ANKRD44: variants seen among roughly 807,000 people sequenced by gnomAD.
ANKRD44 encodes the protein serine/threonine-protein phosphatase 6 regulatory ankyrin repeat subunit B.
A neutral mutation model predicts 116.0 loss-of-function variants in ANKRD44; 35 were observed. That is an observed-to-expected ratio of 0.30 (90% confidence interval 0.23 to 0.40). ANKRD44 has a LOEUF of 0.40. Ranked by LOEUF, ANKRD44 falls within the 10% of genes least tolerant of loss-of-function variation. The probability of loss-of-function intolerance (pLI) is 1.00; values close to 1 mark genes in which losing one functional copy is unlikely to be tolerated. For missense variants in ANKRD44, 1,014 were observed against 1,242.6 expected (o/e 0.82, Z 2.77); for synonymous variants, 435 against 461.8 (o/e 0.94, Z 0.74).
chr2:197,129,422 A>G (rs1341694739), intron 4 of ANKRD44, among the ~76,000 whole-genome samples: 1 of 152,172 alleles, frequency 6.6e-6, no homozygotes, highest in African/African-American at 2.4e-5. Flanking sequence ...GGCATGAGCC[A>G]CCGCGCCTGG....
At chr2:197,081,835 A>G (rs1280803212) in intron 14 of ANKRD44, 110 bp from the exon 15 acceptor site, 1 of 816,064 alleles carries the variant, frequency 1.2e-6, no homozygotes, top group Non-Finnish European at 2.0e-6. Context: ...CCCAACCCAA[A>G]AGAAGTAAGC....
chr2:197,236,285 C>T (rs1348753488), intron 1 of ANKRD44, among the ~76,000 whole-genome samples: 5 of 152,108 alleles, frequency 3.3e-5, no homozygotes, highest in Non-Finnish European at 5.9e-5. Context: ...TATGCCCTAG[C>T]TTCTAGTTAG....
intron 9 of ANKRD44, among the ~76,000 whole-genome samples, chr2:197,102,588 T>C (rs993048465): frequency 6.6e-6 from 1 of 152,214 alleles, no homozygotes; most frequent in Non-Finnish European, 1.5e-5. Flanking sequence ...AGAAGGACCA[T>C]TTGTTTATCT....
intron 1 of ANKRD44, among the ~76,000 whole-genome samples, chr2:197,267,143 C>A (rs1559201543): frequency 6.6e-6 from 1 of 152,198 alleles, no homozygotes; most frequent in Non-Finnish European, 1.5e-5. Context: ...AGGTAGACAT[C>A]TTAAAATGTA....
intron 16 of ANKRD44, among the ~76,000 whole-genome samples, chr2:197,064,143 T>C (rs2077380624): frequency 6.6e-6 from 1 of 152,220 alleles, no homozygotes; most frequent in South Asian, 2.1e-4. Flanking sequence ...TGGGGACCAA[T>C]ATTCAACATT....
intron 1 of ANKRD44, among the ~76,000 whole-genome samples, chr2:197,293,743 G>T (rs1367788713): frequency 6.6e-6 from 1 of 152,178 alleles, no homozygotes; most frequent in African/African-American, 2.4e-5. Context: ...GGGGAACGAT[G>T]AGGCAATATC....
chr2:196,994,608 A>C lies in ANKRD44; in HGVS notation c.2831+771T>G, dbSNP rs190376103. 3.4e-3 allele frequency: 515 copies of C among 151,638 alleles called. 1 individual carries two copies. The highest frequency in any genetic ancestry group is 5.4e-3 in the Non-Finnish European group (369 of 68,090). The allele number at this position is 151,638 out of a possible 1,614,324, so 9.4% of individuals were successfully genotyped here. A position where few individuals can be genotyped will look rare whatever the true frequency, so the allele number is the denominator to read the frequency against. ...CAGCTCACAGCAACCTCCACCTCCC[A>C]GGTTCAAGTGATTCTCCTGCCTCAG... On this transcript the variant is annotated intron_variant, in intron 26 of 27. Coordinates refer to ENST00000282272, the MANE Select transcript of ANKRD44 (RefSeq NM_001195144.2).
In ANKRD44 at chr2:197,078,733, G is replaced by A. The variant is rs375883650; in HGVS notation, c.1620C>T (p.Ala540=). 48 of 1,612,016 alleles carry A rather than the reference G, an allele frequency of 3.0e-5. No individual in the cohort carries two copies. In the African/African-American group the frequency reaches 3.5e-4, roughly 12 times the overall value. ...CCAGACACTGCCTGTGCCCATAGGCGGCAGCATAATGTATGCTATTGTAAC... is the reference window on the plus strand; with the variant it reads ...CCAGACACTGCCTGTGCCCATAGGCAGCAGCATAATGTATGCTATTGTAAC... ...KEGYNSIHYA[A]AYGHRQCLEL... is the part of the protein sequence containing the mutation. The change falls in exon 16 of 28, where the codon GCC becomes GCT. Residue 540 remains alanine, a synonymous_variant. Coordinates refer to ENST00000282272, the MANE Select transcript of ANKRD44 (RefSeq NM_001195144.2).
intron 1 of ANKRD44, among the ~76,000 whole-genome samples, chr2:197,257,831 C>T (rs578153952): frequency 8.9e-4 from 136 of 152,284 alleles, no homozygotes; most frequent in Middle Eastern, 3.4e-3. Context: ...CATCATTCAT[C>T]TCCAGAAATT....
intron 16 of ANKRD44, among the ~76,000 whole-genome samples, chr2:197,052,809 C>T (rs2077133737): frequency 6.6e-6 from 1 of 152,082 alleles, no homozygotes; most frequent in African/African-American, 2.4e-5. Context: ...CCTGACTGCC[C>T]CACTCCTAAT....
chr2:197,074,492 G>A (rs2077624158), intron 16 of ANKRD44, among the ~76,000 whole-genome samples: 1 of 152,086 alleles, frequency 6.6e-6, no homozygotes, highest in Admixed American at 6.6e-5. Flanking sequence ...TTTTCTAAGA[G>A]ATGGGGTCTT....
At chr2:197,017,376 C>T (rs1192373521) in intron 17 of ANKRD44, among the ~76,000 whole-genome samples, 1 of 152,010 alleles carries the variant, frequency 6.6e-6, no homozygotes, top group Non-Finnish European at 1.5e-5. Context: ...CTTATTTTAC[C>T]TTATCTTTTA....
Position 197,227,099 on chromosome 2 carries a change from T to C in ANKRD44, c.28-39993A>G, listed in dbSNP as rs1489963526. ...CAGAAAACAGCATCTTAATTCTCAA[T>C]CTATATTAATGGTTTTCTTTATTGC... On this transcript the variant is annotated intron_variant, in intron 1 of 27. Coordinates refer to ENST00000282272, the MANE Select transcript of ANKRD44 (RefSeq NM_001195144.2). Among the ~76,000 whole-genome samples the C allele has an allele frequency of 2.6e-5, 4 of 152,274 alleles. No homozygotes were observed. The East Asian group carries it at 7.7e-4, about 29-fold the overall frequency.
intron 1 of ANKRD44, among the ~76,000 whole-genome samples, chr2:197,188,555 C>T (rs1265257815): frequency 1.3e-5 from 2 of 152,178 alleles, no homozygotes; most frequent in Non-Finnish European, 2.9e-5. Flanking sequence ...CTACATGCAA[C>T]TTGGGGGTGA....
rs1475314618 is a variant in ANKRD44 at position 197,068,280 on chromosome 2, G to T, written c.1650+10423C>A. 5.8e-5 allele frequency among the ~76,000 whole-genome samples: 8 copies of T among 137,838 alleles called. No homozygotes were observed. The Admixed American group carries it at 5.9e-4, about 10-fold the overall frequency. The allele number at this position is 137,838 out of a possible 152,430, so 90.4% of individuals were successfully genotyped here. On this transcript the variant is annotated intron_variant, in intron 16 of 27. Coordinates refer to ENST00000282272, the MANE Select transcript of ANKRD44 (RefSeq NM_001195144.2). Reference sequence around the variant, plus strand: ...AATGCTAGATGACACATTAGTGGGTGCAGCGCACCAGCATGGCACATGTAT... The same window carrying T: ...AATGCTAGATGACACATTAGTGGGTTCAGCGCACCAGCATGGCACATGTAT...
intron 1 of ANKRD44, among the ~76,000 whole-genome samples, chr2:197,251,206 G>C (rs950067721): frequency 6.6e-5 from 10 of 151,726 alleles, no homozygotes; most frequent in African/African-American, 2.4e-4. Context: ...CCTTTTTATT[G>C]GTTTACACTG....
At position 197,013,601 on chromosome 2, in the gene ANKRD44, G is replaced by A; in HGVS notation, c.1834C>T (p.His612Tyr). Reference protein sequence around the residue: ...TALDLAAFKGHTECVEALINQ... With the variant: ...TALDLAAFKGYTECVEALINQ... ...ATAAGCGCTTCCACACATTCTGTGT[G>A]TCCTTTAAAGGCAGCCAGATCCAGA... Residue 612 changes from histidine to tyrosine, a missense_variant, in exon 18 of 28, where the codon CAC (histidine) becomes TAC (tyrosine). His to Tyr is a moderately conservative substitution (Grantham distance 83). Transcript: ENST00000282272. The A allele has an allele frequency of 6.2e-7, 1 of 1,614,170 alleles. No homozygotes were observed. The highest frequency in any genetic ancestry group is 8.5e-7 in the Non-Finnish European group (1 of 1,180,040).
intron 21 of ANKRD44, among the ~76,000 whole-genome samples, chr2:196,981,605 A>C (rs2075801489): frequency 6.6e-6 from 1 of 151,792 alleles, no homozygotes; most frequent in Non-Finnish European, 1.5e-5. Context: ...GCAAAACCCC[A>C]TCTCTACTAA....
chr2:197,284,008 C>T (rs1285449003), intron 1 of ANKRD44, among the ~76,000 whole-genome samples: 1 of 152,194 alleles, frequency 6.6e-6, no homozygotes, highest in African/African-American at 2.4e-5. Flanking sequence ...CTGTTAACTA[C>T]TGTCTCCTCT....
Sources: gnomAD v4.1 joint callset for allele counts (sites outside exome capture counted in the v4.1 genomes callset) on GRCh38, gnomAD v4.1.1 for gene constraint, MANE v1.5 for transcripts, NCBI Gene and HGNC (gene_info 2026-07-23, HGNC 2026-07-21) for gene names.